Variants in NR1H4 observed in about 807,000 individuals in gnomAD.
NR1H4 encodes the protein bile acid receptor.
NR1H4 carries 23 observed loss-of-function variants against 58.5 expected under a neutral mutation model. The ratio of observed to expected loss-of-function variants is 0.39; its 90% confidence interval spans 0.28 to 0.56. The LOEUF (loss-of-function observed/expected upper bound fraction) is 0.56, where lower values mean the gene tolerates loss of function less well. NR1H4 is among the 20% of genes least tolerant of loss of function. The pLI, the probability that NR1H4 is intolerant of heterozygous loss-of-function variation, is 0.58. For synonymous variants in NR1H4, 214 were observed against 198.0 expected (o/e 1.08, Z -0.68); for missense variants, 487 against 576.9 (o/e 0.84, Z 1.60).
At chr12:100,498,830 A>G (rs1053848901) in intron 3 of NR1H4, among the ~76,000 whole-genome samples, 1 of 152,162 alleles carries the variant, frequency 6.6e-6, no homozygotes, top group Non-Finnish European at 1.5e-5. Flanking sequence ...TAGATCCTAT[A>G]CAATCCCATT....
At position 100,511,109 on chromosome 12, in the gene NR1H4, C is replaced by T. The variant is rs1954103019; in HGVS notation, c.411C>T (p.Tyr137=). Residue 137 remains tyrosine (Y), a synonymous_variant, in exon 4 of 11, where the codon TAC becomes TAT. Transcript: ENST00000392986. ...TTTGTGGAGACAGAGCCTCTGGATA[C>T]CACTATAATGCACTGACCTGTGAGG... ...CVVCGDRASG[Y]HYNALTCEGC... is the part of the protein sequence containing the mutation. 2 of 1,614,210 alleles carry T rather than the reference C, an allele frequency of 1.2e-6. No homozygotes were observed. The highest frequency in any genetic ancestry group is 1.7e-6 in the Non-Finnish European group (2 of 1,180,034).
intron 1 of NR1H4, among the ~76,000 whole-genome samples, chr12:100,482,986 C>T (rs988810940): frequency 9.9e-5 from 15 of 152,040 alleles, no homozygotes; most frequent in South Asian, 2.1e-4. Context: ...AGTGTAGTGG[C>T]GCAATCTCGG....
intron 9 of NR1H4, among the ~76,000 whole-genome samples, chr12:100,558,868 G>T (rs913470372): frequency 6.6e-6 from 1 of 152,288 alleles, no homozygotes; most frequent in South Asian, 2.1e-4. Flanking sequence ...TGCCAGCTTT[G>T]GTTTGAAACC....
At chr12:100,500,925 A>G (rs1953819377) in intron 3 of NR1H4, among the ~76,000 whole-genome samples, 1 of 152,172 alleles carries the variant, frequency 6.6e-6, no homozygotes, top group African/African-American at 2.4e-5. Flanking sequence ...AGACTAATAA[A>G]TAGCCATACA....
intron 4 of NR1H4, among the ~76,000 whole-genome samples, chr12:100,518,913 A>G (rs929266199): frequency 6.7e-6 from 1 of 148,990 alleles, no homozygotes; most frequent in Non-Finnish European, 1.5e-5. Flanking sequence ...TCAGCCTCCC[A>G]AGTAGCTGGG....
chr12:100,536,079 C>T (rs572423210), intron 6 of NR1H4, among the ~76,000 whole-genome samples: 5 of 152,258 alleles, frequency 3.3e-5, no homozygotes, highest in East Asian at 3.9e-4. Flanking sequence ...CCCTCCTCCA[C>T]ATGAATACTC....
intron 4 of NR1H4, among the ~76,000 whole-genome samples, chr12:100,520,193 C>T (rs1028987852): frequency 4.6e-5 from 7 of 152,100 alleles, no homozygotes; most frequent in Non-Finnish European, 8.8e-5. Flanking sequence ...AGATGCAAAG[C>T]GAATTATACT....
chr12:100,549,571 T>A (rs769652359), intron 9 of NR1H4, among the ~76,000 whole-genome samples: 3 of 152,114 alleles, frequency 2.0e-5, no homozygotes, highest in Non-Finnish European at 2.9e-5. Context: ...CTGGTTAGAA[T>A]GCATATAATC....
At chr12:100,515,652 A>G (rs1194268342) in intron 4 of NR1H4, among the ~76,000 whole-genome samples, 2 of 152,204 alleles carry the variant, frequency 1.3e-5, no homozygotes, top group Non-Finnish European at 2.9e-5. Context: ...AATATGTGTA[A>G]AGGCCTTAGA....
At chr12:100,535,926 C>T (rs1954802776) in intron 6 of NR1H4, among the ~76,000 whole-genome samples, 1 of 152,108 alleles carries the variant, frequency 6.6e-6, no homozygotes, top group Non-Finnish European at 1.5e-5. Flanking sequence ...GCTTTGGCCA[C>T]ATGGTATCTA....
At chr12:100,481,341 A>C (rs1165440160) in intron 1 of NR1H4, among the ~76,000 whole-genome samples, 1 of 152,246 alleles carries the variant, frequency 6.6e-6, no homozygotes, top group Non-Finnish European at 1.5e-5. Flanking sequence ...ACTAATGTAC[A>C]TAATGCGAAA....
chr12:100,481,981 A>G (rs1593034618), intron 1 of NR1H4, among the ~76,000 whole-genome samples: 1 of 152,098 alleles, frequency 6.6e-6, no homozygotes, highest in Non-Finnish European at 1.5e-5. Flanking sequence ...GCATGCCTGT[A>G]GTCCCAGCTA....
At chr12:100,507,715 G>A (rs1186003056) in intron 3 of NR1H4, among the ~76,000 whole-genome samples, 1 of 151,876 alleles carries the variant, frequency 6.6e-6, no homozygotes, top group African/African-American at 2.4e-5. Flanking sequence ...CACCTGCCTC[G>A]GCCTCCCAAA....
intron 1 of NR1H4, among the ~76,000 whole-genome samples, chr12:100,480,575 A>G (rs1274079540): frequency 6.6e-6 from 1 of 152,172 alleles, no homozygotes; most frequent in Non-Finnish European, 1.5e-5. Context: ...AGTTTCCACT[A>G]ACCAGTCTCC....
chr12:100,474,441 G>A (rs565407004), intron 1 of NR1H4, among the ~76,000 whole-genome samples: 1 of 152,178 alleles, frequency 6.6e-6, no homozygotes, highest in African/African-American at 2.4e-5. Flanking sequence ...GTGAGTTTGG[G>A]AGTATTGCTA....
intron 9 of NR1H4, among the ~76,000 whole-genome samples, chr12:100,543,045 T>C (rs183610908): frequency 2.6e-5 from 4 of 152,248 alleles, no homozygotes; most frequent in African/African-American, 9.6e-5. Context: ...TGACTCCTAG[T>C]TGAGAGAGCT....
At chr12:100,498,458 G>A (rs1354962792) in intron 3 of NR1H4, among the ~76,000 whole-genome samples, 2 of 152,068 alleles carry the variant, frequency 1.3e-5, no homozygotes, top group Non-Finnish European at 2.9e-5. Flanking sequence ...GGCTAACGTG[G>A]TGAAACCTCG....
chr12:100,490,048 A>G (rs1466135607), intron 1 of NR1H4, among the ~76,000 whole-genome samples: 1 of 152,206 alleles, frequency 6.6e-6, no homozygotes, highest in Non-Finnish European at 1.5e-5. Flanking sequence ...ATTATGTCCT[A>G]AGCTTTTGTG....
rs184301818 is a variant in NR1H4, at chr12:100,558,281, G to A, written c.1079-3604G>A. ...CCAGCTACTTGGGAGGCCAAGGGAC[G>A]GAGGTTGCAGTGAGCCAAGATCACG... On this transcript the variant is annotated intron_variant, in intron 9 of 10. Transcript: ENST00000392986. Among the ~76,000 whole-genome samples, 100 of 147,270 alleles carry A rather than the reference G, an allele frequency of 6.8e-4. 2 individuals are homozygous for A. In the East Asian group the frequency reaches 0.015, roughly 21 times the overall value.
Sources: gnomAD v4.1 joint callset for allele counts (sites outside exome capture counted in the v4.1 genomes callset) on GRCh38, gnomAD v4.1.1 for gene constraint, MANE v1.5 for transcripts, NCBI Gene and HGNC (gene_info 2026-07-23, HGNC 2026-07-21) for gene names.